Variants in HS6ST3 observed in about 807,000 individuals in gnomAD.
HS6ST3 encodes the protein heparan sulfate 6-O-sulfotransferase 3, also known as heparan-sulfate 6-O-sulfotransferase 3.
A neutral mutation model predicts 36.7 loss-of-function variants in HS6ST3; 12 were observed. That is an observed-to-expected ratio of 0.33 (90% confidence interval 0.21 to 0.53). The LOEUF is 0.53. Ranked by LOEUF, HS6ST3 falls within the 20% of genes least tolerant of loss-of-function variation. The pLI is 0.95. For missense variants in HS6ST3, 584 were observed against 640.9 expected, an observed-to-expected ratio of 0.91 and a Z score of 0.96; for synonymous variants, 240 against 257.5, an observed-to-expected ratio of 0.93 and a Z score of 0.65.
chr13:96,611,322 T>C (rs188998049), intron 1 of HS6ST3, among the ~76,000 whole-genome samples: 184 of 152,050 alleles, frequency 1.2e-3, no homozygotes, highest in Non-Finnish European at 2.3e-3. Context: ...TAAAAATAAA[T>C]ATGATTATAA....
At chr13:96,437,306 A>T (rs764624257) in intron 1 of HS6ST3, among the ~76,000 whole-genome samples, 7 of 152,164 alleles carry the variant, frequency 4.6e-5, no homozygotes, top group Non-Finnish European at 8.8e-5. Context: ...TTTCTTAGTC[A>T]TTCTCAGTCC....
chr13:96,477,333 A>T (rs1189414372), intron 1 of HS6ST3, among the ~76,000 whole-genome samples: 1 of 152,218 alleles, frequency 6.6e-6, no homozygotes, highest in East Asian at 1.9e-4. Flanking sequence ...TTTAGGAATG[A>T]AAACAGCAAG....
At chr13:96,144,326 G>T (rs952064719) in intron 1 of HS6ST3, among the ~76,000 whole-genome samples, 3 of 152,066 alleles carry the variant, frequency 2.0e-5, no homozygotes, top group Admixed American at 6.5e-5. Context: ...ATAGTTATTA[G>T]AAATGTCAGC....
intron 1 of HS6ST3, among the ~76,000 whole-genome samples, chr13:96,791,189 C>A (rs760178366): frequency 2.0e-5 from 3 of 151,996 alleles, no homozygotes; most frequent in Non-Finnish European, 4.4e-5. Flanking sequence ...TTTTTCCAAA[C>A]TATTGAATCT....
intron 1 of HS6ST3, among the ~76,000 whole-genome samples, chr13:96,310,091 A>G (rs2054932783): frequency 6.6e-6 from 1 of 152,190 alleles, no homozygotes; most frequent in Non-Finnish European, 1.5e-5. Flanking sequence ...TACAATCTGT[A>G]TTTTAAAATC....
At chr13:96,499,029 A>ATT (rs5805974) in intron 1 of HS6ST3, among the ~76,000 whole-genome samples, 4 of 126,852 alleles carry the variant, frequency 3.2e-5, no homozygotes, top group Admixed American at 1.6e-4. Context: ...TTGTTCACAC[A>ATT]TTTTTTTTTT....
intron 1 of HS6ST3, among the ~76,000 whole-genome samples, chr13:96,745,125 G>C (rs1924587): frequency 0.48 from 72,285 of 151,850 alleles, 17,728 homozygotes; most frequent in African/African-American, 0.61. Context: ...GATCACCCAA[G>C]ACAGCTGAGT....
intron 1 of HS6ST3, among the ~76,000 whole-genome samples, chr13:96,331,808 G>C (rs1301654218): frequency 6.6e-6 from 1 of 152,124 alleles, no homozygotes; most frequent in African/African-American, 2.4e-5. Flanking sequence ...TTTGATCTCA[G>C]ACTGCTGTGC....
chr13:96,283,863 G>A (rs2054787323), intron 1 of HS6ST3, among the ~76,000 whole-genome samples: 1 of 152,066 alleles, frequency 6.6e-6, no homozygotes, highest in Non-Finnish European at 1.5e-5. Context: ...TTTCCAGCAG[G>A]CTCCAGGTTT....
At chr13:96,213,707 T>C (rs1346113858) in intron 1 of HS6ST3, among the ~76,000 whole-genome samples, 3 of 152,184 alleles carry the variant, frequency 2.0e-5, no homozygotes, top group African/African-American at 4.8e-5. Context: ...GTTTTGTATG[T>C]GGATGTAGCA....
chr13:96,126,083 A>G (rs1319546680), intron 1 of HS6ST3, among the ~76,000 whole-genome samples: 1 of 152,134 alleles, frequency 6.6e-6, no homozygotes, highest in Admixed American at 6.5e-5. Flanking sequence ...CCGTAAACGC[A>G]TGTGCTTCCT....
At position 96,778,612 on chromosome 13, in the gene HS6ST3, G is replaced by A. The variant is rs116942061; in HGVS notation, c.708-53878G>A. The stretch of plus-strand genomic sequence containing the variant: ...CATTAGAAAAATGCAAATCAAAACC[G>A]CAATGGCATACCATCTCACACCAGT... On this transcript the variant is annotated intron_variant, in intron 1 of 1. Coordinates refer to ENST00000376705, the MANE Select transcript of HS6ST3 (RefSeq NM_153456.4). Among the ~76,000 whole-genome samples the A allele has an allele frequency of 1.2e-3, 179 of 152,112 alleles. 2 individuals carry two copies. In the East Asian group the frequency reaches 0.021, roughly 18 times the overall value.
intron 1 of HS6ST3, among the ~76,000 whole-genome samples, chr13:96,323,936 G>A (rs911207125): frequency 2.6e-5 from 4 of 152,130 alleles, no homozygotes; most frequent in East Asian, 3.9e-4. Flanking sequence ...AGTTGTTGTC[G>A]CAGGAATACC....
intron 1 of HS6ST3, among the ~76,000 whole-genome samples, chr13:96,316,993 T>C (rs115470719): frequency 0.07 from 10,692 of 152,132 alleles, 468 homozygotes; most frequent in Middle Eastern, 0.12. Flanking sequence ...TTATTTATTT[T>C]TTAAAATGTC....
chr13:96,233,554 TGAGG>T (rs2054518235), intron 1 of HS6ST3, among the ~76,000 whole-genome samples: 1 of 152,142 alleles, frequency 6.6e-6, no homozygotes, highest in Non-Finnish European at 1.5e-5. Context: ...GAAACAGTGA[TGAGG>T]GCTGGAAAGG....
intron 1 of HS6ST3, among the ~76,000 whole-genome samples, chr13:96,623,443 A>G (rs1172348616): frequency 6.6e-6 from 1 of 151,532 alleles, no homozygotes; most frequent in East Asian, 1.9e-4. Context: ...GCATTGGCCT[A>G]TCTTGGACTT....
At chr13:96,823,951 C>T (rs748101690) in intron 1 of HS6ST3, among the ~76,000 whole-genome samples, 1 of 152,176 alleles carries the variant, frequency 6.6e-6, no homozygotes, top group Non-Finnish European at 1.5e-5. Flanking sequence ...GCAGTTCCCA[C>T]ATTTTCCATA....
intron 1 of HS6ST3, among the ~76,000 whole-genome samples, chr13:96,360,162 G>T (rs1740908327): frequency 6.6e-6 from 1 of 152,012 alleles, no homozygotes; most frequent in South Asian, 2.1e-4. Flanking sequence ...TGAAGGATGG[G>T]GTGCTGGCAC....
In HS6ST3 at chr13:96,751,993, C is replaced by T. The variant is rs374015072; in HGVS notation, c.708-80497C>T. Among the ~76,000 whole-genome samples, 87 of 152,094 alleles carry T rather than the reference C, an allele frequency of 5.7e-4. No individual in the cohort carries two copies. In the East Asian group the frequency reaches 0.015, roughly 26 times the overall value. On this transcript the variant is annotated intron_variant, in intron 1 of 1. Coordinates refer to ENST00000376705, the MANE Select transcript of HS6ST3 (RefSeq NM_153456.4). ...GTTAAGAATGGGATTATTACTAATA[C>T]TGATGAAGCTCCTTGTATGGTCTCC...
Sources: gnomAD v4.1 joint callset for allele counts (sites outside exome capture counted in the v4.1 genomes callset) on GRCh38, gnomAD v4.1.1 for gene constraint, MANE v1.5 for transcripts, NCBI Gene and HGNC (gene_info 2026-07-23, HGNC 2026-07-21) for gene names.